TTC21B: variants seen among roughly 807,000 people sequenced by gnomAD.
The protein encoded by TTC21B is tetratricopeptide repeat domain 21B.
Under a neutral mutation model 175.1 loss-of-function variants are expected in TTC21B, and 127 were observed. The ratio of observed to expected loss-of-function variants is 0.73; its 90% CI spans 0.63 to 0.84. The LOEUF is 0.84. TTC21B is among the 40% of genes least tolerant of loss of function. TTC21B has a pLI of 0.00. For missense variants in TTC21B, 1,561 were observed against 1,558.3 expected, an observed-to-expected ratio of 1.00 and a Z score of -0.03; for synonymous variants, 524 against 524.5, an observed-to-expected ratio of 1.00 and a Z score of 0.01.
chr2:165,946,128 A>G (rs1167161647), intron 3 of TTC21B, among the ~76,000 whole-genome samples: 1 of 149,616 alleles, frequency 6.7e-6, no homozygotes. Context: ...GATCGAGACC[A>G]TCCTGGCTAG....
intron 24 of TTC21B, 32 bp from the exon 25 acceptor site, chr2:165,888,506 CT>C: frequency 2.0e-6 from 3 of 1,512,340 alleles, no homozygotes; most frequent in Non-Finnish European, 2.7e-6. Context: ...TCACTTCTGT[CT>C]CTTACTCATG....
Position 165,945,518 on chromosome 2 carries a change from A to G in TTC21B, c.429+6T>C, listed in dbSNP as rs377395392. 3.1e-4 allele frequency: 504 copies of G among 1,612,090 alleles called. 2 individuals carry two copies. The highest frequency in any genetic ancestry group is 1.3e-3 in the Middle Eastern group (8 of 6,054). ...GTTATTATTTTAAACTCAGAAAAAT[A>G]GCTACCTGTTTACTACCATCTGATA... On this transcript the variant is annotated splice_donor_region_variant and intron_variant, in intron 4 of 28. Coordinates refer to ENST00000243344, the MANE Select transcript of TTC21B (RefSeq NM_024753.5).
intron 5 of TTC21B, 106 bp from the exon 6 acceptor site, chr2:165,941,290 G>A (rs1574137991): frequency 3.2e-6 from 4 of 1,249,204 alleles, no homozygotes; most frequent in African/African-American, 1.5e-5. Context: ...ACTTTTCTGT[G>A]AGGAGCAGTT....
intron 18 of TTC21B, among the ~76,000 whole-genome samples, chr2:165,908,344 T>C (rs761732571): frequency 6.6e-5 from 10 of 152,160 alleles, no homozygotes; most frequent in Non-Finnish European, 1.3e-4. Context: ...AGTAACTACC[T>C]CACAGGGTGG....
At chr2:165,893,831 G>C (rs566339978) in intron 22 of TTC21B, among the ~76,000 whole-genome samples, 22 of 152,178 alleles carry the variant, frequency 1.4e-4, no homozygotes, top group African/African-American at 4.8e-4. Flanking sequence ...CATGCGCCAA[G>C]AGGGAAGCAG....
intron 13 of TTC21B, 147 bp from the exon 14 acceptor site, chr2:165,917,628 C>T (rs535910336): frequency 2.8e-6 from 2 of 720,134 alleles, no homozygotes; most frequent in South Asian, 1.7e-5. Flanking sequence ...TCTTATTAAC[C>T]CTCTGATTAT....
intron 19 of TTC21B, among the ~76,000 whole-genome samples, chr2:165,904,481 C>A (rs1272321028): frequency 6.6e-6 from 1 of 152,106 alleles, no homozygotes; most frequent in Non-Finnish European, 1.5e-5. Flanking sequence ...ATACACACAC[C>A]CCTGTCAGTT....
chr2:165,881,090 CACAT>C (rs1403084007), intron 26 of TTC21B, among the ~76,000 whole-genome samples: 1 of 152,104 alleles, frequency 6.6e-6, no homozygotes, highest in Non-Finnish European at 1.5e-5. Context: ...GTGATTTAAA[CACAT>C]ACAAATACAG....
At chr2:165,941,908 C>T (rs1348190648) in intron 5 of TTC21B, among the ~76,000 whole-genome samples, 1 of 152,034 alleles carries the variant, frequency 6.6e-6, no homozygotes, top group Non-Finnish European at 1.5e-5. Context: ...TGGTGATGCT[C>T]ATTTTCTCAT....
rs745392608 is a variant in TTC21B, at chr2:165,890,459, T to A, written c.3263+20A>T. 1 of 1,612,098 alleles carries A rather than the reference T, an allele frequency of 6.2e-7. No individual in the cohort carries two copies. Among genetic ancestry groups the A allele is most frequent in the African/African-American group, 1.3e-5 (1 of 74,964 alleles). ...CCAACAAGTGTTTTTTAAAAAAGGA[T>A]AATATGTCAAATAACTCACCCCAGG... is the stretch of plus-strand genomic sequence containing the variant. On this transcript the variant is annotated intron_variant, in intron 24 of 28. Coordinates refer to ENST00000243344, the MANE Select transcript of TTC21B (RefSeq NM_024753.5).
At chr2:165,890,391 T>A in intron 24 of TTC21B, 88 bp downstream of exon 24, 1 of 1,227,422 alleles carries the variant, frequency 8.1e-7, no homozygotes, top group Non-Finnish European at 1.2e-6. Flanking sequence ...ATTATTGCTA[T>A]CCTAAATTTA....
chr2:165,886,748 T>A (rs1183403886), intron 25 of TTC21B, among the ~76,000 whole-genome samples: 1 of 152,162 alleles, frequency 6.6e-6, no homozygotes, highest in Non-Finnish European at 1.5e-5. Context: ...GATAACGGAT[T>A]TAGTCAAAAT....
chr2:165,901,679 C>T lies in TTC21B; in HGVS notation c.2757+43G>A, dbSNP rs374635493. On this transcript the variant is annotated intron_variant, in intron 20 of 28. Transcript: ENST00000243344. The stretch of plus-strand genomic sequence containing the variant: ...TTTTACATCTGAGGAAATTAGAAGA[C>T]ATCTGGAATAAAAGGTATTTAAAAT... 2.9e-5 allele frequency: 45 copies of T among 1,558,672 alleles called. No individual in the cohort carries two copies. In the African/African-American group the frequency reaches 5.6e-4, roughly 19 times the overall value.
chr2:165,941,268 C>T (rs759502298), intron 5 of TTC21B, 84 bp from the exon 6 acceptor site: 43 of 1,453,876 alleles, frequency 3.0e-5, no homozygotes, highest in East Asian at 2.5e-4. Context: ...AGAGTATGAG[C>T]GTTTAATACT....
intron 26 of TTC21B, among the ~76,000 whole-genome samples, chr2:165,881,461 A>T (rs1684832334): frequency 6.6e-6 from 1 of 152,114 alleles, no homozygotes. Context: ...CTTGATCCAG[A>T]GGTTTCCCTT....
At chr2:165,941,246 C>A in intron 5 of TTC21B, 62 bp from the exon 6 acceptor site, 1 of 1,570,584 alleles carries the variant, frequency 6.4e-7, no homozygotes, top group Non-Finnish European at 8.8e-7. Context: ...GTTCTCATAA[C>A]GCAGAGCAGG....
intron 8 of TTC21B, among the ~76,000 whole-genome samples, chr2:165,931,482 C>G (rs1260982173): frequency 6.6e-6 from 1 of 152,064 alleles, no homozygotes; most frequent in African/African-American, 2.4e-5. Context: ...ATCTTATGCT[C>G]TGATGAAAAT....
At position 165,915,416 on chromosome 2, in the gene TTC21B, T is replaced by C. The variant is rs150622892; in HGVS notation, c.1923A>G (p.Gln641=). The C allele has an allele frequency of 1.2e-4, 191 of 1,614,008 alleles. No individual in the cohort carries two copies. Among genetic ancestry groups the C allele is most frequent in the Non-Finnish European group, 1.6e-4 (183 of 1,179,970 alleles). ...TTCCAGAAAATTCATGGATGGCATC[T>C]TGTAAAACTTTGGTTGCCTCATGCT... is the stretch of plus-strand genomic sequence containing the variant. ...GEQHEATKVL[Q]DAIHEFSGTS... Residue 641 remains glutamine (Q), a synonymous_variant, in exon 15 of 29, where the codon CAA becomes CAG. Coordinates refer to ENST00000243344, the MANE Select transcript of TTC21B (RefSeq NM_024753.5).
rs368202285 is a variant in TTC21B, at chr2:165,915,239, C to T, written c.2100G>A (p.Lys700=). 2.0e-4 allele frequency: 323 copies of T among 1,613,878 alleles called. 3 individuals carry two copies. In the South Asian group the frequency reaches 2.8e-3, roughly 14 times the overall value. Residue 700 remains lysine (K), a synonymous_variant, in exon 15 of 29, where the codon AAG becomes AAA. Coordinates refer to ENST00000243344, the MANE Select transcript of TTC21B (RefSeq NM_024753.5). ...TATATAACATTTTATCTTTTCTGTG[C>T]TTCAGATAAATATCTGCCATTTTTT... The part of the protein sequence containing the change: ...AREKMADIYL[K]HRKDKMLYIT...
Sources: gnomAD v4.1 joint callset for allele counts (sites outside exome capture counted in the v4.1 genomes callset) on GRCh38, gnomAD v4.1.1 for gene constraint, MANE v1.5 for transcripts, NCBI Gene and HGNC (gene_info 2026-07-23, HGNC 2026-07-21) for gene names.